The following EXD2 variants were observed in gnomAD, a reference collection of about 807,000 sequenced individuals.
EXD2 encodes the protein exonuclease 3'-5' domain containing 2.
EXD2 carries 40 observed loss-of-function variants against 62.5 expected under a neutral mutation model. That is an observed-to-expected ratio of 0.64 (90% CI 0.50 to 0.83). The LOEUF is 0.83. EXD2 is among the 40% of genes least tolerant of loss of function. The pLI, the probability that EXD2 is intolerant of heterozygous loss-of-function variation, is 0.00. For missense variants in EXD2, 671 were observed against 761.8 expected (o/e 0.88, Z 1.40); for synonymous variants, 239 against 291.9 (o/e 0.82, Z 1.85).
At chr14:69,199,559 TA>T (rs1453148477) in intron 1 of EXD2, among the ~76,000 whole-genome samples, 8 of 152,212 alleles carry the variant, frequency 5.3e-5, no homozygotes, top group Non-Finnish European at 1.0e-4. Flanking sequence ...TACAGCTGTA[TA>T]AAAATGTTTA....
intron 9 of EXD2, among the ~76,000 whole-genome samples, chr14:69,239,899 G>C (rs1310964526): frequency 6.6e-6 from 1 of 152,224 alleles, no homozygotes; most frequent in Non-Finnish European, 1.5e-5. Context: ...ACCACGCCCA[G>C]CTGCCAATAT....
At position 69,213,373 on chromosome 14, in the gene EXD2, CTTTT is replaced by C. The variant is rs150182640; in HGVS notation, c.333+3592_333+3595del. Among the ~76,000 whole-genome samples, 458 of 89,944 alleles carry C rather than the reference CTTTT, an allele frequency of 5.1e-3. 11 individuals carry two copies. The highest frequency in any genetic ancestry group is 0.042 in the Admixed American group (305 of 7,188). The allele number at this position is 89,944 out of a possible 152,430, so 59.0% of individuals were successfully genotyped here. On this transcript the variant is annotated intron_variant, in intron 3 of 9. Transcript: ENST00000685843. ...TGTGTGTGAGCTACCATGCTGGGCC[CTTTT>C]TTTTTTTTTTTTTTTTTTTTTAAGA... is the stretch of plus-strand genomic sequence containing the variant.
rs113209473 is a variant in EXD2, at chr14:69,194,496, C to CT, written c.-132+2913dup. 4.8e-3 allele frequency among the ~76,000 whole-genome samples: 727 copies of CT among 151,738 alleles called. 1 individual carries two copies. Among genetic ancestry groups the CT allele is most frequent in the African/African-American group, 0.015 (600 of 41,312 alleles). On this transcript the variant is annotated intron_variant, in intron 1 of 9. Transcript: ENST00000685843. ...TGCCACACTTACCATGTACTAATTT[C>CT]TTTTTTTTCTTTTTAATTTTTATTT...
intron 1 of EXD2, among the ~76,000 whole-genome samples, chr14:69,198,715 G>A (rs2042290306): frequency 6.6e-6 from 1 of 152,198 alleles, no homozygotes; most frequent in Non-Finnish European, 1.5e-5. Flanking sequence ...CACTTAATGA[G>A]GATCTGTTCT....
At chr14:69,204,690 TC>T (rs934796009) in intron 2 of EXD2, among the ~76,000 whole-genome samples, 1 of 152,218 alleles carries the variant, frequency 6.6e-6, no homozygotes, top group African/African-American at 2.4e-5. Context: ...TTAATTTTTT[TC>T]TGACTCCCAA....
chr14:69,243,032 T>C lies in EXD2; in HGVS notation c.*1932T>C, dbSNP rs974828256. 1 of 152,178 alleles carries C rather than the reference T, an allele frequency of 6.6e-6. No homozygotes were observed. Among genetic ancestry groups the C allele is most frequent in the Non-Finnish European group, 1.5e-5 (1 of 68,034 alleles). The allele number at this position is 152,178 out of a possible 1,614,324, so 9.4% of individuals were successfully genotyped here. A position where few individuals can be genotyped will look rare whatever the true frequency, so the allele number is the denominator to read the frequency against. ...AGGTGCTAGGGAAAGGGTTTTCCCA[T>C]GGAGCTTTCTGTGAGGCGCAGTAAA... On this transcript the variant is annotated 3_prime_UTR_variant, in exon 10 of 10. Transcript: ENST00000685843.
At position 69,237,634 on chromosome 14, in the gene EXD2, A is replaced by C. The variant is rs917340336; in HGVS notation, c.1352A>C (p.Asn451Thr). 2 of 1,614,056 alleles carry C rather than the reference A, an allele frequency of 1.2e-6. No individual in the cohort carries two copies. Among genetic ancestry groups the C allele is most frequent in the African/African-American group, 2.7e-5 (2 of 75,000 alleles). The change falls in exon 9 of 10, where the codon AAC becomes ACC. Residue 451 changes from asparagine (N) to threonine (T), a missense_variant. Transcript: ENST00000685843. ...KHFPIEMKDH[N>T]SHDVLLLCTS... ...TTCCCCATCGAGATGAAGGACCACA[A>C]CTCCCACGATGTGCTGCTGCTCTGC...
chr14:69,207,153 A>G (rs1007361333), intron 2 of EXD2, among the ~76,000 whole-genome samples: 20 of 152,136 alleles, frequency 1.3e-4, no homozygotes, highest in African/African-American at 4.3e-4. Flanking sequence ...TAATACTCAC[A>G]TATCTCTACA....
At chr14:69,232,092 T>A (rs985842222) in intron 5 of EXD2, among the ~76,000 whole-genome samples, 1 of 152,154 alleles carries the variant, frequency 6.6e-6, no homozygotes, top group African/African-American at 2.4e-5. Flanking sequence ...AATCTCTCCC[T>A]TAATCCCCCT....
In EXD2 at chr14:69,206,455, C is replaced by CCTTTTTTTTTTTTTTTTTTTTTTTT. The variant is rs60787528; in HGVS notation, c.-48+2455_-48+2456insCTTTTTTTTTTTTTTTTTTTTTTTT. 3.6e-4 allele frequency among the ~76,000 whole-genome samples: 34 copies of CCTTTTTTTTTTTTTTTTTTTTTTTT among 94,668 alleles called. 11 individuals are homozygous for CCTTTTTTTTTTTTTTTTTTTTTTTT. The highest frequency in any genetic ancestry group is 8.6e-4 in the African/African-American group (19 of 22,164). 62.1% of individuals were successfully genotyped at this position (94,668 alleles called of 152,430 possible). A position where few individuals can be genotyped will look rare whatever the true frequency, so the allele number is the denominator to read the frequency against. On this transcript the variant is annotated intron_variant, in intron 2 of 9. Coordinates refer to ENST00000685843, the MANE Select transcript of EXD2 (RefSeq NM_001193360.2). ...CCCAGCTTCATCTCCCACCCACCCACTTTTTTTTTTTTTTTTTTTTTTTTT... is the reference window on the plus strand; with the variant it reads ...CCCAGCTTCATCTCCCACCCACCCACCTTTTTTTTTTTTTTTTTTTTTTTTTTTTTTTTTTTTTTTTTTTTTTTTT...
At chr14:69,222,702 CT>C (rs5809420) in intron 3 of EXD2, among the ~76,000 whole-genome samples, 1 of 151,712 alleles carries the variant, frequency 6.6e-6, no homozygotes, top group African/African-American at 2.4e-5. Flanking sequence ...TGATTGTTTG[CT>C]TTTTTTTAAT....
chr14:69,197,332 A>G (rs1445409414), intron 1 of EXD2, among the ~76,000 whole-genome samples: 1 of 151,914 alleles, frequency 6.6e-6, no homozygotes, highest in African/African-American at 2.4e-5. Flanking sequence ...TGTGTATTCT[A>G]GATACACACC....
chr14:69,217,263 T>TAGGCTGG (rs1165312348), intron 3 of EXD2, among the ~76,000 whole-genome samples: 1 of 152,148 alleles, frequency 6.6e-6, no homozygotes, highest in African/African-American at 2.4e-5. Context: ...CTGTGATTCT[T>TAGGCTGG]AGGCTGGTCT....
chr14:69,209,653 G>A lies in EXD2; in HGVS notation c.183G>A (p.Leu61=). Residue 61 remains leucine, a synonymous_variant, in exon 3 of 10, where the codon CTG becomes CTA. Transcript: ENST00000685843. Reference sequence around the variant, plus strand: ...TGCCCCCTCCAGAAGATGATCAGCTGCACTCCAGTGCCCCCAGATCCTCGT... The same window carrying A: ...TGCCCCCTCCAGAAGATGATCAGCTACACTCCAGTGCCCCCAGATCCTCGT... ...RELPPPEDDQ[L]HSSAPRSSWK... 2.6e-6 allele frequency: 4 copies of A among 1,550,526 alleles called. No individual in the cohort carries two copies. Among genetic ancestry groups the A allele is most frequent in the Middle Eastern group, 1.7e-4 (1 of 5,992 alleles).
At chr14:69,206,199 G>A (rs1044957316) in intron 2 of EXD2, among the ~76,000 whole-genome samples, 1 of 152,074 alleles carries the variant, frequency 6.6e-6, no homozygotes, top group African/African-American at 2.4e-5. Context: ...GGGATTACAG[G>A]TGTGAGCCAC....
chr14:69,204,204 A>G (rs1371523745), intron 2 of EXD2, among the ~76,000 whole-genome samples: 1 of 152,216 alleles, frequency 6.6e-6, no homozygotes, highest in Non-Finnish European at 1.5e-5. Context: ...TATTTTTCTA[A>G]TTACAAATAT....
chr14:69,192,213 T>TG (rs2042053208), intron 1 of EXD2: 1 of 151,900 alleles, frequency 6.6e-6, no homozygotes, highest in African/African-American at 2.4e-5. Context: ...AACAAACCAA[T>TG]CCCCCGATAA....
At chr14:69,219,965 T>C (rs1278940205) in intron 3 of EXD2, among the ~76,000 whole-genome samples, 1 of 152,184 alleles carries the variant, frequency 6.6e-6, no homozygotes. Context: ...GCAGTAGGTT[T>C]GTAGATCCCT....
chr14:69,206,313 G>A (rs2042592588), intron 2 of EXD2, among the ~76,000 whole-genome samples: 1 of 152,080 alleles, frequency 6.6e-6, no homozygotes, highest in Non-Finnish European at 1.5e-5. Flanking sequence ...CTTCTGGTTT[G>A]TGGATAGGGT....
Sources: allele counts gnomAD v4.1 joint callset (sites outside exome capture counted in the v4.1 genomes callset), GRCh38; gene constraint gnomAD v4.1.1; transcripts MANE v1.5; gene names NCBI Gene and HGNC (gene_info 2026-07-23, HGNC 2026-07-21).